Variants in GUCY1B1 observed in about 807,000 individuals in gnomAD.
The protein encoded by GUCY1B1 is guanylate cyclase soluble subunit beta-1.
Under a neutral mutation model 71.0 loss-of-function variants are expected in GUCY1B1, and 43 were observed. That is an observed-to-expected ratio of 0.61 (90% confidence interval 0.47 to 0.78). The LOEUF (loss-of-function observed/expected upper bound fraction) is 0.78, where lower values mean the gene tolerates loss of function less well. Among genes scored for constraint, GUCY1B1 ranks in the 30% least tolerant of loss-of-function variants. The probability of loss-of-function intolerance (pLI) is 0.00; values close to 1 mark genes in which losing one functional copy is unlikely to be tolerated. For synonymous variants in GUCY1B1, 266 were observed against 259.7 expected (o/e 1.02, Z -0.23); for missense variants, 535 against 754.1 (o/e 0.71, Z 3.40).
intron 4 of GUCY1B1, among the ~76,000 whole-genome samples, chr4:155,781,607 A>G (rs559969667): frequency 6.6e-6 from 1 of 152,160 alleles, no homozygotes; most frequent in Non-Finnish European, 1.5e-5. Context: ...AATTTAGGAT[A>G]AATAATATTT....
chr4:155,794,395 T>C (rs1739395750), intron 6 of GUCY1B1, among the ~76,000 whole-genome samples: 1 of 152,212 alleles, frequency 6.6e-6, no homozygotes, highest in African/African-American at 2.4e-5. Flanking sequence ...ACATGTTTAT[T>C]TATTCACTGA....
intron 2 of GUCY1B1, among the ~76,000 whole-genome samples, chr4:155,768,862 G>A (rs555331998): frequency 2.0e-5 from 3 of 152,090 alleles, no homozygotes; most frequent in East Asian, 1.9e-4. Context: ...GTGAGAATTC[G>A]ATCTTTATTT....
intron 2 of GUCY1B1, among the ~76,000 whole-genome samples, chr4:155,763,543 T>G (rs1355952299): frequency 1.6e-5 from 2 of 122,150 alleles, no homozygotes; most frequent in Non-Finnish European, 3.7e-5. Flanking sequence ...AATCCTTACC[T>G]TCAAAAAAAA....
intron 2 of GUCY1B1, among the ~76,000 whole-genome samples, chr4:155,770,899 T>C (rs966517523): frequency 3.3e-5 from 5 of 152,236 alleles, no homozygotes; most frequent in African/African-American, 1.2e-4. Context: ...CTTCCTGTAG[T>C]ATCTATTGCT....
chr4:155,759,519 A>T, intron 1 of GUCY1B1: 1 of 511,376 alleles, frequency 2.0e-6, no homozygotes, highest in South Asian at 3.0e-5. Context: ...CCCGATGCCC[A>T]GCCTCTCCCG....
At chr4:155,778,316 A>C (rs1579212040) in intron 4 of GUCY1B1, among the ~76,000 whole-genome samples, 1 of 152,204 alleles carries the variant, frequency 6.6e-6, no homozygotes, top group Non-Finnish European at 1.5e-5. Context: ...ATGAGAGACT[A>C]TTTCTGGATT....
rs145637849 is a variant in GUCY1B1 at position 155,806,345 on chromosome 4, A to G, written c.1837-41A>G. On this transcript the variant is annotated intron_variant, in intron 13 of 13. Transcript: ENST00000264424. ...TTTAATTGATATTATAAACCTCACT[A>G]TCACTGTAAATCAATCCCTCTTTTC... is the stretch of plus-strand genomic sequence containing the variant. The G allele has an allele frequency of 4.0e-4, 554 of 1,380,832 alleles. 1 individual carries two copies. Among genetic ancestry groups the G allele is most frequent in the South Asian group, 1.2e-3 (106 of 85,128 alleles). The allele number at this position is 1,380,832 out of a possible 1,614,324, so 85.5% of individuals were successfully genotyped here.
chr4:155,790,332 C>T (rs13435824), intron 5 of GUCY1B1, among the ~76,000 whole-genome samples: 101,300 of 152,038 alleles, frequency 0.67, 35,030 homozygotes, highest in African/African-American at 0.84. Context: ...TTGTCTGCCC[C>T]GAAATATAGT....
In GUCY1B1 at chr4:155,772,690, G is replaced by T. The variant is rs1487539191; in HGVS notation, c.78-2278G>T. On this transcript the variant is annotated intron_variant, in intron 2 of 13. Coordinates refer to ENST00000264424, the MANE Select transcript of GUCY1B1 (RefSeq NM_000857.5). Reference sequence around the variant, plus strand: ...CCACCTGGGCTTCCCAAAGTGCTGGGATAACAGGCATGAGCCAACCTGCCC... The same window carrying T: ...CCACCTGGGCTTCCCAAAGTGCTGGTATAACAGGCATGAGCCAACCTGCCC... 4.3e-6 allele frequency: 3 copies of T among 702,224 alleles called. No individual in the cohort carries two copies. In the East Asian group the frequency reaches 8.0e-5, roughly 19 times the overall value. 43.5% of individuals were successfully genotyped at this position (702,224 alleles called of 1,614,324 possible).
At chr4:155,791,969 CT>C in intron 5 of GUCY1B1, among the ~76,000 whole-genome samples, 1 of 152,150 alleles carries the variant, frequency 6.6e-6, no homozygotes, top group East Asian at 1.9e-4. Context: ...AGATTGATGG[CT>C]TTAGCAAACT....
Position 155,806,467 on chromosome 4 carries a change from G to T in GUCY1B1, c.*58G>T, listed in dbSNP as rs1038203054. ...CTAGGTTCCAGTTTTCTCCTAACAC[G>T]TGCCAAGCCCAGGAGCAGTTCTTCC... On this transcript the variant is annotated 3_prime_UTR_variant, in exon 14 of 14. Coordinates refer to ENST00000264424, the MANE Select transcript of GUCY1B1 (RefSeq NM_000857.5). The T allele has an allele frequency of 8.3e-7, 1 of 1,211,346 alleles. No homozygotes were observed. Among genetic ancestry groups the T allele is most frequent in the Non-Finnish European group, 1.2e-6 (1 of 816,952 alleles). The allele number at this position is 1,211,346 out of a possible 1,614,324, so 75.0% of individuals were successfully genotyped here.
chr4:155,764,436 G>T (rs1737197836), intron 2 of GUCY1B1, among the ~76,000 whole-genome samples: 1 of 152,120 alleles, frequency 6.6e-6, no homozygotes, highest in African/African-American at 2.4e-5. Context: ...CTGTCCCAGA[G>T]AATTACATAT....
chr4:155,782,638 C>T (rs1213552306), intron 4 of GUCY1B1, among the ~76,000 whole-genome samples: 3 of 152,190 alleles, frequency 2.0e-5, no homozygotes, highest in African/African-American at 7.2e-5. Context: ...TTTGCCTCTT[C>T]CTTGCGGGAG....
chr4:155,806,257 G>T (rs1417759178), intron 13 of GUCY1B1, 129 bp from the exon 14 acceptor site: 1 of 571,290 alleles, frequency 1.8e-6, no homozygotes, highest in Non-Finnish European at 3.1e-6. Flanking sequence ...AATTATGGTG[G>T]GAATGATTTA....
rs180796669 is a variant in GUCY1B1 at position 155,763,938 on chromosome 4, C to T, written c.77+4078C>T. ...AATCAGAGTTTTTAAACTTTCCGTT[C>T]CCCAATTTACTTGAAAGATATTAAG... On this transcript the variant is annotated intron_variant, in intron 2 of 13. Coordinates refer to ENST00000264424, the MANE Select transcript of GUCY1B1 (RefSeq NM_000857.5). 2.6e-5 allele frequency among the ~76,000 whole-genome samples: 4 copies of T among 152,086 alleles called. No homozygotes were observed. In the East Asian group the frequency reaches 7.7e-4, roughly 29 times the overall value.
intron 8 of GUCY1B1, 88 bp from the exon 9 acceptor site, chr4:155,799,789 G>C: frequency 1.5e-6 from 1 of 671,008 alleles, no homozygotes; most frequent in South Asian, 2.1e-5. Flanking sequence ...GTAGGAGGTG[G>C]CAGGATCAGA....
chr4:155,775,470 C>T (rs1045493850), intron 3 of GUCY1B1, among the ~76,000 whole-genome samples: 59 of 152,036 alleles, frequency 3.9e-4, no homozygotes, highest in Non-Finnish European at 3.1e-4. Flanking sequence ...TTTTTTGTAT[C>T]TTTGGTAGAG....
chr4:155,800,335 A>C (rs1167741494), intron 9 of GUCY1B1, among the ~76,000 whole-genome samples: 3 of 152,234 alleles, frequency 2.0e-5, no homozygotes, highest in African/African-American at 7.2e-5. Flanking sequence ...AATCATGAGA[A>C]TAACTCAAAT....
rs529663245 is a variant in GUCY1B1 at position 155,761,522 on chromosome 4, A to G, written c.77+1662A>G. On this transcript the variant is annotated intron_variant, in intron 2 of 13. Transcript: ENST00000264424. ...TAATTTAACCAGATTTAGATTGTAT[A>G]TCCTAGCCATTATCAGTTTAGATCA... 3.9e-5 allele frequency among the ~76,000 whole-genome samples: 6 copies of G among 152,300 alleles called. No homozygotes were observed. In the South Asian group the frequency reaches 1.2e-3, roughly 32 times the overall value.
Sources: allele counts gnomAD v4.1 joint callset (sites outside exome capture counted in the v4.1 genomes callset), GRCh38; gene constraint gnomAD v4.1.1; transcripts MANE v1.5; gene names NCBI Gene and HGNC (gene_info 2026-07-23, HGNC 2026-07-21).